Variants in CHODL observed in about 807,000 individuals in gnomAD.
CHODL encodes the protein chondrolectin.
A neutral mutation model predicts 34.5 loss-of-function variants in CHODL; 29 were observed. The ratio of observed to expected loss-of-function variants is 0.84; its 90% CI spans 0.63 to 1.15. CHODL has a LOEUF of 1.15. Ranked by LOEUF, CHODL falls within the 50% of genes most tolerant of loss-of-function variation. The pLI, the probability that CHODL is intolerant of heterozygous loss-of-function variation, is 0.00. For missense variants in CHODL, 332 were observed against 332.5 expected, an observed-to-expected ratio of 1.00 and a Z score of 0.01; for synonymous variants, 125 against 116.1, an observed-to-expected ratio of 1.08 and a Z score of -0.49.
chr21:17,938,506 T>C (rs2063336551), intron 1 of CHODL, among the ~76,000 whole-genome samples: 1 of 95,602 alleles, frequency 1.0e-5, no homozygotes, highest in Non-Finnish European at 2.0e-5. Context: ...GGAAAGGGAG[T>C]CTCGCTCCAT....
At chr21:17,938,716 GATC>G (rs2063339597) in intron 1 of CHODL, among the ~76,000 whole-genome samples, 1 of 151,960 alleles carries the variant, frequency 6.6e-6, no homozygotes. Context: ...CTGACCTCGT[GATC>G]TACCTGCCTG....
intron 3 of CHODL, among the ~76,000 whole-genome samples, chr21:18,257,705 CAGTT>C (rs1424097260): frequency 3.3e-5 from 5 of 152,172 alleles, no homozygotes; most frequent in Admixed American, 3.3e-4. Flanking sequence ...TATGTCTCCT[CAGTT>C]AGCTTTCTTT....
intron 2 of CHODL, among the ~76,000 whole-genome samples, chr21:18,156,993 T>C (rs992028060): frequency 1.3e-5 from 2 of 152,366 alleles, no homozygotes; most frequent in South Asian, 2.1e-4. Context: ...CCTCACAACA[T>C]GGCAGCTTAC....
intron 2 of CHODL, among the ~76,000 whole-genome samples, chr21:18,157,816 G>T (rs1293858186): frequency 2.0e-5 from 3 of 151,934 alleles, no homozygotes; most frequent in Admixed American, 6.6e-5. Context: ...TATACCAAAT[G>T]GTCATAATCT....
chr21:18,012,680 A>T (rs73892827), intron 1 of CHODL, among the ~76,000 whole-genome samples: 1 of 152,190 alleles, frequency 6.6e-6, no homozygotes, highest in Non-Finnish European at 1.5e-5. Flanking sequence ...AATATCTTGC[A>T]TTAAATTTAG....
At chr21:18,084,920 A>AGT (rs376876845) in intron 2 of CHODL, among the ~76,000 whole-genome samples, 14,470 of 84,902 alleles carry the variant, frequency 0.17, 741 homozygotes, top group Non-Finnish European at 0.22. Flanking sequence ...GTCTAGTAAT[A>AGT]GTGTGTGTGT....
At chr21:18,215,129 C>A (rs1289571086) in intron 2 of CHODL, among the ~76,000 whole-genome samples, 1 of 151,810 alleles carries the variant, frequency 6.6e-6, no homozygotes, top group Non-Finnish European at 1.5e-5. Flanking sequence ...AATTGTCTCC[C>A]AGTTTGAACT....
chr21:18,043,908 T>C (rs1038315027), intron 2 of CHODL, among the ~76,000 whole-genome samples: 1 of 151,938 alleles, frequency 6.6e-6, no homozygotes, highest in Non-Finnish European at 1.5e-5. Context: ...GGGAAACCCC[T>C]TATTAAACCA....
At chr21:18,101,714 AT>A (rs71848643) in intron 2 of CHODL, among the ~76,000 whole-genome samples, 3,034 of 144,720 alleles carry the variant, frequency 0.021, 114 homozygotes, top group East Asian at 0.15. Context: ...CATTTACAAC[AT>A]TTTTTTTTTT....
rs28458874 is a variant in CHODL, at chr21:18,193,933, C to T, written c.-44-62576C>T. Among the ~76,000 whole-genome samples, 602 of 152,018 alleles carry T rather than the reference C, an allele frequency of 4.0e-3. 5 individuals are homozygous for T. Among genetic ancestry groups the T allele is most frequent in the African/African-American group, 0.012 (517 of 41,472 alleles). On this transcript the variant is annotated intron_variant, in intron 2 of 6. Coordinates refer to the CHODL transcript ENST00000400127. ...CTTGGTAAATGACACCATTATCCAT[C>T]GTCATTCAATTTTCAGTTTGAAATG...
rs71329776 is a variant in CHODL at position 18,167,211 on chromosome 21, C to CTGTGTGTGTGTGTG, written c.-44-89266_-44-89253dup. Among the ~76,000 whole-genome samples the CTGTGTGTGTGTGTG allele has an allele frequency of 3.6e-4, 32 of 88,184 alleles. 1 individual carries two copies. Among genetic ancestry groups the CTGTGTGTGTGTGTG allele is most frequent in the South Asian group, 2.3e-3 (6 of 2,636 alleles). 57.9% of individuals were successfully genotyped at this position (88,184 alleles called of 152,430 possible). On this transcript the variant is annotated intron_variant, in intron 2 of 6. Transcript: ENST00000400127. The stretch of plus-strand genomic sequence containing the variant: ...TTTCACCATTCCCATTTCTCTCTCT[C>CTGTGTGTGTGTGTG]TGTGTGTGTGTGTGTGTGTGTGTGT...
In CHODL at chr21:17,983,576, G is replaced by A. The variant is rs192168569; in HGVS notation, c.-144-44296G>A. On this transcript the variant is annotated intron_variant, in intron 1 of 6. Coordinates refer to the CHODL transcript ENST00000400127. ...GTTTTTCATCTTTGTTAATCAGGTA[G>A]TCAAAACATAGTATCTTAATTATTG... Among the ~76,000 whole-genome samples, 62 of 152,206 alleles carry A rather than the reference G, an allele frequency of 4.1e-4. 1 individual carries two copies. Among genetic ancestry groups the A allele is most frequent in the Non-Finnish European group, 8.4e-4 (57 of 68,014 alleles).
Position 18,035,430 on chromosome 21 carries a change from C to T in CHODL, c.-45+7459C>T, listed in dbSNP as rs1013060765. 5.0e-4 allele frequency among the ~76,000 whole-genome samples: 76 copies of T among 151,854 alleles called. 1 individual carries two copies. Among genetic ancestry groups the T allele is most frequent in the Non-Finnish European group, 2.9e-4 (20 of 67,926 alleles). The stretch of plus-strand genomic sequence containing the variant: ...TTTAAGCAATTCGAATATCATCTGC[C>T]TTGGTGTCTTGATATTTCTTGTGCT... On this transcript the variant is annotated intron_variant, in intron 2 of 6. Transcript: ENST00000400127.
intron 2 of CHODL, among the ~76,000 whole-genome samples, chr21:18,035,775 T>C (rs1426796527): frequency 7.1e-6 from 1 of 139,908 alleles, no homozygotes; most frequent in Non-Finnish European, 1.6e-5. Flanking sequence ...AGTTTTATCT[T>C]GAAAATTCAA....
chr21:18,208,831 C>A (rs2073741359), intron 2 of CHODL, among the ~76,000 whole-genome samples: 1 of 151,976 alleles, frequency 6.6e-6, no homozygotes, highest in African/African-American at 2.4e-5. Context: ...TACTTTCTCC[C>A]AAACAGAGTC....
intron 1 of CHODL, among the ~76,000 whole-genome samples, chr21:18,010,367 T>C (rs2064007554): frequency 6.8e-6 from 1 of 147,444 alleles, no homozygotes; most frequent in Non-Finnish European, 1.5e-5. Flanking sequence ...CTCAGGAAAG[T>C]CTCCTGGTGG....
At chr21:18,096,282 C>T (rs972276062) in intron 2 of CHODL, among the ~76,000 whole-genome samples, 3 of 152,046 alleles carry the variant, frequency 2.0e-5, no homozygotes, top group Non-Finnish European at 4.4e-5. Context: ...GTTTGTAAAA[C>T]GTGTGTTTGA....
At chr21:18,152,993 A>G (rs2072989857) in intron 2 of CHODL, among the ~76,000 whole-genome samples, 1 of 152,174 alleles carries the variant, frequency 6.6e-6, no homozygotes, top group African/African-American at 2.4e-5. Context: ...TGTCTTGTTA[A>G]GTGTCCTCTT....
intron 2 of CHODL, among the ~76,000 whole-genome samples, chr21:18,221,303 ATT>A (rs1259857906): frequency 6.6e-6 from 1 of 152,052 alleles, no homozygotes; most frequent in Non-Finnish European, 1.5e-5. Context: ...ATTTTTAAAT[ATT>A]GTTTATCTGC....
Sources: allele counts gnomAD v4.1 joint callset (sites outside exome capture counted in the v4.1 genomes callset), GRCh38; gene constraint gnomAD v4.1.1; transcripts MANE v1.5; gene names NCBI Gene and HGNC (gene_info 2026-07-23, HGNC 2026-07-21).